SEZ6L: variants seen among roughly 807,000 people sequenced by gnomAD.
SEZ6L encodes the protein seizure related 6 homolog like, also known as seizure 6-like protein.
SEZ6L carries 37 observed loss-of-function variants against 106.2 expected under a neutral mutation model. The ratio of observed to expected loss-of-function variants is 0.35; its 90% CI spans 0.27 to 0.46. The LOEUF (loss-of-function observed/expected upper bound fraction) is 0.46, where lower values mean the gene tolerates loss of function less well. SEZ6L is among the 20% of genes least tolerant of loss of function. The pLI, the probability that SEZ6L is intolerant of heterozygous loss-of-function variation, is 1.00. For synonymous variants in SEZ6L, 541 were observed against 570.4 expected (o/e 0.95, Z 0.73); for missense variants, 1,172 against 1,332.8 (o/e 0.88, Z 1.88).
At chr22:26,358,202 G>A (rs933693261) in intron 12 of SEZ6L, among the ~76,000 whole-genome samples, 3 of 152,178 alleles carry the variant, frequency 2.0e-5, no homozygotes, top group Non-Finnish European at 4.4e-5. Context: ...AGAAATCCAT[G>A]ATAACCCTAG....
rs2081770878 is a variant in SEZ6L, at chr22:26,310,149, A to T, written c.1515-521A>T. On this transcript the variant is annotated intron_variant, in intron 6 of 16. Transcript: ENST00000248933. ...ACATTACTCTCCCTACAACCTCAGA[A>T]TAAATCCATAAGGAAGCCAGGACAG... Among the ~76,000 whole-genome samples the T allele has an allele frequency of 2.0e-5, 3 of 152,250 alleles. No individual in the cohort carries two copies. In the South Asian group the frequency reaches 6.2e-4, roughly 31 times the overall value.
intron 1 of SEZ6L, among the ~76,000 whole-genome samples, chr22:26,193,788 A>G (rs1181184618): frequency 6.6e-6 from 1 of 152,196 alleles, no homozygotes; most frequent in Non-Finnish European, 1.5e-5. Context: ...AAATTCTTCC[A>G]GGAATAATTA....
At chr22:26,228,028 G>A (rs1428935373) in intron 1 of SEZ6L, among the ~76,000 whole-genome samples, 1 of 152,200 alleles carries the variant, frequency 6.6e-6, no homozygotes, top group Non-Finnish European at 1.5e-5. Flanking sequence ...GCAGGACAGG[G>A]AGCCTGCTTC....
chr22:26,278,153 AG>A (rs1176562254), intron 1 of SEZ6L, among the ~76,000 whole-genome samples: 1 of 152,186 alleles, frequency 6.6e-6, no homozygotes, highest in East Asian at 1.9e-4. Context: ...CAGGCAGGGA[AG>A]GGGCGGTTTA....
At chr22:26,172,004 T>G (rs1251846250) in intron 1 of SEZ6L, among the ~76,000 whole-genome samples, 1 of 152,052 alleles carries the variant, frequency 6.6e-6, no homozygotes, top group East Asian at 1.9e-4. Flanking sequence ...TGTTGCTACA[T>G]TCTGATGCAG....
intron 1 of SEZ6L, among the ~76,000 whole-genome samples, chr22:26,226,992 C>T (rs1185272486): frequency 6.6e-6 from 1 of 152,188 alleles, no homozygotes; most frequent in Non-Finnish European, 1.5e-5. Context: ...GGTCCACGTA[C>T]CACAGAACTC....
intron 10 of SEZ6L, 107 bp downstream of exon 10, chr22:26,340,739 G>A: frequency 2.2e-6 from 2 of 913,410 alleles, no homozygotes; most frequent in Non-Finnish European, 3.2e-6. Context: ...ATTTTTCATT[G>A]TATTGTATTG....
At chr22:26,288,640 T>C (rs1028895833) in intron 1 of SEZ6L, among the ~76,000 whole-genome samples, 2 of 152,190 alleles carry the variant, frequency 1.3e-5, no homozygotes, top group Non-Finnish European at 2.9e-5. Context: ...ATTCATAAAA[T>C]AGGAACAATA....
At chr22:26,216,716 G>A (rs1569388695) in intron 1 of SEZ6L, among the ~76,000 whole-genome samples, 1 of 152,134 alleles carries the variant, frequency 6.6e-6, no homozygotes, top group Admixed American at 6.5e-5. Flanking sequence ...GGTAAAAGTA[G>A]TGTCCTTATG....
intron 1 of SEZ6L, among the ~76,000 whole-genome samples, chr22:26,224,519 G>A (rs1202227173): frequency 2.0e-5 from 3 of 152,160 alleles, no homozygotes; most frequent in African/African-American, 7.2e-5. Flanking sequence ...TTAGAGCAGG[G>A]AGTGGCTTCA....
chr22:26,234,649 C>G (rs761648129), intron 1 of SEZ6L, among the ~76,000 whole-genome samples: 27 of 152,220 alleles, frequency 1.8e-4, no homozygotes, highest in Non-Finnish European at 2.4e-4. Context: ...GGTGGGGAAA[C>G]CCAACTGCTG....
Position 26,294,438 on chromosome 22 carries a change from G to A in SEZ6L, c.969+13G>A. Reference sequence around the variant, plus strand: ...GGTGGAGCTCCAGGTAACCCCAGGAGAGTACCTCACAGAGGCTGCCTCGTC... The same window carrying A: ...GGTGGAGCTCCAGGTAACCCCAGGAAAGTACCTCACAGAGGCTGCCTCGTC... On this transcript the variant is annotated intron_variant, in intron 3 of 16. Coordinates refer to ENST00000248933, the MANE Select transcript of SEZ6L (RefSeq NM_021115.5). The A allele has an allele frequency of 6.2e-7, 1 of 1,613,022 alleles. No individual in the cohort carries two copies. The highest frequency in any genetic ancestry group is 1.1e-5 in the South Asian group (1 of 90,956).
intron 1 of SEZ6L, among the ~76,000 whole-genome samples, chr22:26,243,811 C>T (rs1226117927): frequency 6.6e-6 from 1 of 151,974 alleles, no homozygotes; most frequent in Non-Finnish European, 1.5e-5. Context: ...ACCCATTAAG[C>T]CCCCAGAGAA....
chr22:26,372,897 T>A (rs958471695), intron 13 of SEZ6L, among the ~76,000 whole-genome samples: 1 of 152,226 alleles, frequency 6.6e-6, no homozygotes, highest in Non-Finnish European at 1.5e-5. Context: ...CACCTCTGGC[T>A]GGATTTTGTA....
chr22:26,338,667 C>T (rs1163620851), intron 9 of SEZ6L, among the ~76,000 whole-genome samples: 1 of 152,088 alleles, frequency 6.6e-6, no homozygotes, highest in Non-Finnish European at 1.5e-5. Context: ...TCAAGCAATT[C>T]TCCTGCCTCA....
intron 1 of SEZ6L, among the ~76,000 whole-genome samples, chr22:26,276,822 G>A (rs564399819): frequency 1.4e-4 from 22 of 152,206 alleles, no homozygotes; most frequent in Non-Finnish European, 2.9e-4. Context: ...GAAGAGGAGT[G>A]TTTAAATGCT....
chr22:26,264,230 T>C (rs758264511), intron 1 of SEZ6L, among the ~76,000 whole-genome samples: 1 of 152,232 alleles, frequency 6.6e-6, no homozygotes, highest in Non-Finnish European at 1.5e-5. Flanking sequence ...AGGATGTGAA[T>C]ATTTGGTAAC....
chr22:26,219,272 G>C (rs5761411), intron 1 of SEZ6L, among the ~76,000 whole-genome samples: 12 of 92,332 alleles, frequency 1.3e-4, no homozygotes, highest in Admixed American at 3.8e-4. Flanking sequence ...TTTTTTTTTC[G>C]CTCCTGGCAA....
chr22:26,271,873 T>C (rs188530820), intron 1 of SEZ6L, among the ~76,000 whole-genome samples: 77 of 152,190 alleles, frequency 5.1e-4, no homozygotes, highest in Non-Finnish European at 8.5e-4. Flanking sequence ...AGTTGTACTA[T>C]TCGTAATAAT....
Sources: gnomAD v4.1 joint callset for allele counts (sites outside exome capture counted in the v4.1 genomes callset) on GRCh38, gnomAD v4.1.1 for gene constraint, MANE v1.5 for transcripts, NCBI Gene and HGNC (gene_info 2026-07-23, HGNC 2026-07-21) for gene names.